The following G3BP2 variants were observed in gnomAD, a reference collection of about 807,000 sequenced individuals.
G3BP2 encodes ras GTPase-activating protein-binding protein 2.
Under a neutral mutation model 56.7 loss-of-function variants are expected in G3BP2, and 11 were observed. The ratio of observed to expected loss-of-function variants is 0.19; its 90% CI spans 0.12 to 0.32. G3BP2 has a LOEUF of 0.32. Ranked by LOEUF, G3BP2 falls within the 10% of genes least tolerant of loss-of-function variation. G3BP2 has a pLI of 1.00. For synonymous variants in G3BP2, 165 were observed against 191.6 expected (o/e 0.86, Z 1.15); for missense variants, 340 against 610.9 (o/e 0.56, Z 4.67).
At chr4:75,716,833 C>T (rs540020586) in intron 3 of G3BP2, among the ~76,000 whole-genome samples, 2 of 152,244 alleles carry the variant, frequency 1.3e-5, no homozygotes, top group African/African-American at 2.4e-5. Context: ...TTCTTTATAC[C>T]ACCCACAACT....
intron 3 of G3BP2, among the ~76,000 whole-genome samples, chr4:75,687,447 A>G (rs1718659996): frequency 6.6e-6 from 1 of 152,166 alleles, no homozygotes; most frequent in Admixed American, 6.5e-5. Context: ...TTTTCATCCC[A>G]GTCCCAGGTA....
chr4:75,705,212 C>G (rs566264625), intron 3 of G3BP2, among the ~76,000 whole-genome samples: 165 of 152,334 alleles, frequency 1.1e-3, no homozygotes, highest in Non-Finnish European at 1.8e-3. Context: ...GTCCATTAAA[C>G]TGCCTGACCT....
intron 9 of G3BP2, among the ~76,000 whole-genome samples, chr4:75,648,401 A>G (rs1364640161): frequency 3.3e-5 from 5 of 152,004 alleles, no homozygotes; most frequent in Non-Finnish European, 5.9e-5. Context: ...CAATAACCAA[A>G]TAAGACTTAA....
chr4:75,656,830 C>T, intron 5 of G3BP2, 94 bp downstream of exon 5: 1 of 695,182 alleles, frequency 1.4e-6, no homozygotes. Flanking sequence ...TACAATAAAG[C>T]AGCAAATTTC....
upstream of G3BP2, among the ~76,000 whole-genome samples, chr4:75,677,668 G>T (rs1291903571): frequency 2.6e-5 from 4 of 152,176 alleles, no homozygotes; most frequent in Non-Finnish European, 4.4e-5. Flanking sequence ...AGCATTGGAA[G>T]GGAGTAAAAT....
intron 1 of G3BP2, among the ~76,000 whole-genome samples, chr4:75,666,372 TA>T (rs1733036349): frequency 1.3e-5 from 2 of 152,220 alleles, no homozygotes; most frequent in South Asian, 2.1e-4. Context: ...AACAGGCATA[TA>T]ACAGGTTATA....
rs544330271 is a variant in G3BP2, at chr4:75,673,139, C to T, written c.-25+69G>A. 3.0e-4 allele frequency: 335 copies of T among 1,119,918 alleles called. 1 individual carries two copies. The African/African-American group carries it at 5.1e-3, about 17-fold the overall frequency. 69.4% of individuals were successfully genotyped at this position (1,119,918 alleles called of 1,614,324 possible). ...CACACACCGGACGATTGCCTCGCGCCGCGGAGCGCGAATGGAATGTCCCTT... is the reference window on the plus strand; with the variant it reads ...CACACACCGGACGATTGCCTCGCGCTGCGGAGCGCGAATGGAATGTCCCTT... On this transcript the variant is annotated intron_variant, in intron 1 of 11. Transcript: ENST00000359707.
intron 3 of G3BP2, among the ~76,000 whole-genome samples, chr4:75,715,467 C>G (rs1418852738): frequency 2.0e-5 from 3 of 152,304 alleles, no homozygotes; most frequent in Admixed American, 2.0e-4. Context: ...ACTCATGTCC[C>G]CATCAAAGGG....
intron 3 of G3BP2, among the ~76,000 whole-genome samples, chr4:75,697,963 A>G (rs1719191396): frequency 6.6e-6 from 1 of 150,974 alleles, no homozygotes; most frequent in Admixed American, 6.6e-5. Flanking sequence ...ACAAAAAAAT[A>G]TGAAATACAA....
In G3BP2 at chr4:75,645,185, T is replaced by A. The variant is rs1467471436; in HGVS notation, c.*245A>T. 6 of 529,844 alleles carry A rather than the reference T, an allele frequency of 1.1e-5. No individual in the cohort carries two copies. The highest frequency in any genetic ancestry group is 9.7e-5 in the African/African-American group (5 of 51,608). 32.8% of individuals were successfully genotyped at this position (529,844 alleles called of 1,614,324 possible). On this transcript the variant is annotated 3_prime_UTR_variant, in exon 12 of 12. Coordinates refer to ENST00000359707, the MANE Select transcript of G3BP2 (RefSeq NM_203505.3). The stretch of plus-strand genomic sequence containing the variant: ...TAAGTTCACTTTGTCGTAGATAGTT[T>A]AAGATATGGTCATTTCTCAGTCCTT...
intron 1 of G3BP2, among the ~76,000 whole-genome samples, chr4:75,670,940 A>T (rs1733432947): frequency 1.3e-5 from 2 of 152,226 alleles, no homozygotes; most frequent in Admixed American, 1.3e-4. Flanking sequence ...AGTGAAAAGC[A>T]AAGGAATACA....
At chr4:75,649,322 A>G (rs1010321841) in intron 8 of G3BP2, among the ~76,000 whole-genome samples, 1 of 152,172 alleles carries the variant, frequency 6.6e-6, no homozygotes, top group African/African-American at 2.4e-5. Context: ...AAAATGACAG[A>G]AACTTATAGG....
At chr4:75,710,270 G>A (rs894818783) in intron 3 of G3BP2, among the ~76,000 whole-genome samples, 5 of 152,014 alleles carry the variant, frequency 3.3e-5, no homozygotes, top group Admixed American at 1.3e-4. Flanking sequence ...CCTGCTTCTC[G>A]AGTTGGTGGA....
chr4:75,704,515 C>G (rs1333845327), intron 3 of G3BP2, among the ~76,000 whole-genome samples: 1 of 151,842 alleles, frequency 6.6e-6, no homozygotes, highest in Non-Finnish European at 1.5e-5. Context: ...GACAGGGTCT[C>G]ACTATGATGC....
At position 75,665,314 on chromosome 4, in the gene G3BP2, A is replaced by C. The variant is rs532215576; in HGVS notation, c.-24-3265T>G. Among the ~76,000 whole-genome samples, 5 of 152,354 alleles carry C rather than the reference A, an allele frequency of 3.3e-5. No homozygotes were observed. The South Asian group carries it at 1.0e-3, about 32-fold the overall frequency. On this transcript the variant is annotated intron_variant, in intron 1 of 11. Coordinates refer to ENST00000359707, the MANE Select transcript of G3BP2 (RefSeq NM_203505.3). ...TGTTTAAAATTTTTTATAATGCCTC[A>C]CTTGCTTTCAAAAATAGTTAATTCA... is the stretch of plus-strand genomic sequence containing the variant.
In G3BP2 at chr4:75,706,451, G is replaced by A. The variant is rs568235732; in HGVS notation, c.-25+14426C>T. ...AGCTCTGCCACTTAGCAGCTGTGGT[G>A]TGACCTTAGCCGAATGAGCATAATG... On this transcript the variant is annotated intron_variant, in intron 3 of 3. Transcript: ENST00000499709. 2.6e-5 allele frequency among the ~76,000 whole-genome samples: 4 copies of A among 152,284 alleles called. No individual in the cohort carries two copies. In the South Asian group the frequency reaches 8.3e-4, roughly 32 times the overall value.
At position 75,680,631 on chromosome 4, in the gene G3BP2, T is replaced by C. The variant is rs1267450464; in HGVS notation, c.-24-18582A>G. On this transcript the variant is annotated intron_variant, in intron 3 of 3. Transcript: ENST00000499709. ...TCCCATCCATCCTTCCATTTCCCAC[T>C]CTCCTCTTGGGACAAATACTTGGTT... Among the ~76,000 whole-genome samples, 14 of 152,236 alleles carry C rather than the reference T, an allele frequency of 9.2e-5. No individual in the cohort carries two copies. In the East Asian group the frequency reaches 2.7e-3, roughly 29 times the overall value.
At position 75,661,987 on chromosome 4, in the gene G3BP2, C is replaced by G. The variant is rs1315525298; in HGVS notation, c.39G>C (p.Arg13=). The G allele has an allele frequency of 6.2e-7, 1 of 1,611,514 alleles. No homozygotes were observed. The highest frequency in any genetic ancestry group is 1.3e-5 in the African/African-American group (1 of 74,838). ...AAGTATAATATTGCCTCACAAACTCCCGCCCTACAAGCAGCGGACTGGGCT... is the reference window on the plus strand; with the variant it reads ...AAGTATAATATTGCCTCACAAACTCGCGCCCTACAAGCAGCGGACTGGGCT... ...MEKPSPLLVG[R]EFVRQYYTLL... The change falls in exon 2 of 12, where the codon CGG becomes CGC. Residue 13 remains arginine, a synonymous_variant. Transcript: ENST00000359707.
chr4:75,717,691 T>A (rs1460335316), intron 3 of G3BP2, among the ~76,000 whole-genome samples: 2 of 152,162 alleles, frequency 1.3e-5, no homozygotes, highest in African/African-American at 2.4e-5. Context: ...CAGTAAAGAC[T>A]GCAACCCTAC....
Sources: allele counts gnomAD v4.1 joint callset (sites outside exome capture counted in the v4.1 genomes callset), GRCh38; gene constraint gnomAD v4.1.1; transcripts MANE v1.5; gene names NCBI Gene and HGNC (gene_info 2026-07-23, HGNC 2026-07-21).